Variants in ECT2L observed in about 807,000 individuals in gnomAD.
ECT2L encodes the protein epithelial cell-transforming sequence 2 oncogene-like.
A neutral mutation model predicts 122.8 loss-of-function variants in ECT2L; 126 were observed. The ratio of observed to expected loss-of-function variants is 1.03; its 90% CI spans 0.89 to 1.19. The LOEUF is 1.19. ECT2L is among the 50% of genes most tolerant of loss of function. The probability of loss-of-function intolerance (pLI) is 0.00; values close to 1 mark genes in which losing one functional copy is unlikely to be tolerated. For synonymous variants in ECT2L, 385 were observed against 381.8 expected, an observed-to-expected ratio of 1.01 and a Z score of -0.10; for missense variants, 1,012 against 1,064.1, an observed-to-expected ratio of 0.95 and a Z score of 0.68.
chr6:138,860,474 T>C (rs2128398291), intron 10 of ECT2L, among the ~76,000 whole-genome samples: 1 of 152,020 alleles, frequency 6.6e-6, no homozygotes, highest in South Asian at 2.1e-4. Context: ...ACTCTCTACT[T>C]GATTTCATTG....
chr6:138,847,928 T>C (rs574332385), intron 8 of ECT2L, among the ~76,000 whole-genome samples: 1 of 152,264 alleles, frequency 6.6e-6, no homozygotes, highest in Non-Finnish European at 1.5e-5. Context: ...ACTCACAGTT[T>C]CACGTGGCAA....
chr6:138,818,452 G>A (rs6570288), intron 4 of ECT2L, among the ~76,000 whole-genome samples: 57,467 of 151,894 alleles, frequency 0.38, 11,213 homozygotes, highest in South Asian at 0.6. Flanking sequence ...GTTTTTCAGA[G>A]ACAACATACT....
intron 20 of ECT2L, among the ~76,000 whole-genome samples, chr6:138,897,876 GT>G (rs1779269435): frequency 6.6e-6 from 1 of 152,114 alleles, no homozygotes; most frequent in African/African-American, 2.4e-5. Context: ...TATCGGCATT[GT>G]CCCTTCCAAA....
intron 4 of ECT2L, among the ~76,000 whole-genome samples, chr6:138,816,425 A>C (rs1776070037): frequency 6.6e-6 from 1 of 152,154 alleles, no homozygotes; most frequent in South Asian, 2.1e-4. Flanking sequence ...GGATAGCAGC[A>C]GCATTTCTTC....
chr6:138,844,487 C>A lies in ECT2L; in HGVS notation c.671C>A (p.Pro224Gln). ...AGCGTGCTAAAGCCCAGATGCCAAC[C>A]ACGCCTCTCCCAGACTGTAAGGGAG... ...CSSVLKPRCQPRLSQTVRERV... is the reference protein window; with the variant it reads ...CSSVLKPRCQQRLSQTVRERV... The change falls in exon 7 of 22, where the codon CCA (proline) becomes CAA (glutamine). Residue 224 changes from proline (P) to glutamine (Q), a missense_variant. By Grantham distance (76) the Pro-to-Gln change is moderately conservative. Coordinates refer to ENST00000541398, the MANE Select transcript of ECT2L (RefSeq NM_001077706.3). 1 of 1,614,146 alleles carries A rather than the reference C, an allele frequency of 6.2e-7. No individual in the cohort carries two copies.
rs1252593851 is a variant in ECT2L at position 138,886,494 on chromosome 6, G to GCCTCCC, written c.2260-362_2260-357dup. ...GTGATCTCGGCTCACTGCAACCTCT[G>GCCTCCC]CCTCCCTGATTCAAGCAATCCTCCC... On this transcript the variant is annotated intron_variant, in intron 18 of 21. Transcript: ENST00000541398. Among the ~76,000 whole-genome samples, 7 of 148,380 alleles carry GCCTCCC rather than the reference G, an allele frequency of 4.7e-5. No individual in the cohort carries two copies. The East Asian group carries it at 1.4e-3, about 30-fold the overall frequency.
intron 10 of ECT2L, among the ~76,000 whole-genome samples, chr6:138,857,279 G>A (rs925132508): frequency 3.3e-5 from 5 of 152,140 alleles, no homozygotes; most frequent in African/African-American, 1.2e-4. Flanking sequence ...AAGACCAGAG[G>A]TTCTCAGACT....
At position 138,889,037 on chromosome 6, in the gene ECT2L, C is replaced by G. The variant is rs146040402; in HGVS notation, c.2414+6C>G. On this transcript the variant is annotated splice_donor_region_variant and intron_variant, in intron 20 of 21. Coordinates refer to ENST00000541398, the MANE Select transcript of ECT2L (RefSeq NM_001077706.3). ...GAAATAAGTTTCTCTTTAAGGTAAACAATAGTTAACTATCCTAAGGCTGTG... is the reference window on the plus strand; with the variant it reads ...GAAATAAGTTTCTCTTTAAGGTAAAGAATAGTTAACTATCCTAAGGCTGTG... 5 of 1,507,648 alleles carry G rather than the reference C, an allele frequency of 3.3e-6. No homozygotes were observed. The African/African-American group carries it at 6.9e-5, about 21-fold the overall frequency. 93.4% of individuals were successfully genotyped at this position (1,507,648 alleles called of 1,614,324 possible). A position where few individuals can be genotyped will look rare whatever the true frequency, so the allele number is the denominator to read the frequency against.
intron 11 of ECT2L, 137 bp downstream of exon 11, chr6:138,862,856 T>A: frequency 1.6e-6 from 1 of 606,102 alleles, no homozygotes; most frequent in Non-Finnish European, 2.8e-6. Flanking sequence ...GAAGGAACGC[T>A]ATTAGTTCCC....
chr6:138,881,442 C>T (rs771721911), intron 15 of ECT2L, among the ~76,000 whole-genome samples: 2 of 151,964 alleles, frequency 1.3e-5, no homozygotes, highest in African/African-American at 2.4e-5. Flanking sequence ...ACCTTTTTGG[C>T]ACCAGGAACC....
At chr6:138,878,807 T>C (rs962634058) in intron 14 of ECT2L, 1 of 152,312 alleles carries the variant, frequency 6.6e-6, no homozygotes, top group Non-Finnish European at 1.5e-5. Flanking sequence ...GTTGATGGTA[T>C]ACCATTAGCC....
intron 4 of ECT2L, among the ~76,000 whole-genome samples, chr6:138,828,286 G>T (rs1164658974): frequency 1.3e-5 from 2 of 152,042 alleles, no homozygotes; most frequent in Admixed American, 6.6e-5. Flanking sequence ...ACCCAATAAG[G>T]TTCATACATT....
At chr6:138,804,946 A>T (rs1394031232) in intron 1 of ECT2L, among the ~76,000 whole-genome samples, 2 of 152,100 alleles carry the variant, frequency 1.3e-5, no homozygotes, top group Admixed American at 1.3e-4. Flanking sequence ...CTCCCTCTCT[A>T]CGTCAGCACC....
At chr6:138,866,766 G>A (rs1466565302) in intron 12 of ECT2L, among the ~76,000 whole-genome samples, 1 of 152,080 alleles carries the variant, frequency 6.6e-6, no homozygotes, top group Admixed American at 6.6e-5. Flanking sequence ...ATTTACTTTG[G>A]ACTTTAAAAT....
intron 18 of ECT2L, 73 bp from the exon 19 acceptor site, chr6:138,886,783 TA>T: frequency 1.9e-6 from 2 of 1,055,192 alleles, no homozygotes; most frequent in East Asian, 5.2e-5. Context: ...CGCCATAAAA[TA>T]TTTTAATCTA....
chr6:138,862,498 C>T, intron 10 of ECT2L, 129 bp from the exon 11 acceptor site: 1 of 825,478 alleles, frequency 1.2e-6, no homozygotes. Flanking sequence ...ATCCCTCCTG[C>T]CAGGCCCCAC....
chr6:138,802,641 T>G (rs1775582609), intron 1 of ECT2L, among the ~76,000 whole-genome samples: 1 of 152,142 alleles, frequency 6.6e-6, no homozygotes, highest in Non-Finnish European at 1.5e-5. Context: ...CTCATTAATA[T>G]CTTATGGAAC....
intron 1 of ECT2L, among the ~76,000 whole-genome samples, chr6:138,809,469 A>G (rs926491499): frequency 6.6e-6 from 1 of 152,226 alleles, no homozygotes; most frequent in African/African-American, 2.4e-5. Flanking sequence ...CTGTCTAAAC[A>G]AACAAAAAGG....
intron 7 of ECT2L, 45 bp from the exon 8 acceptor site, chr6:138,846,494 G>A (rs760620387): frequency 1.3e-6 from 2 of 1,535,994 alleles, no homozygotes; most frequent in East Asian, 2.3e-5. Flanking sequence ...CAAAACTCAA[G>A]GTAAGAGAAA....
Sources: gnomAD v4.1 joint callset for allele counts (sites outside exome capture counted in the v4.1 genomes callset) on GRCh38, gnomAD v4.1.1 for gene constraint, MANE v1.5 for transcripts, NCBI Gene and HGNC (gene_info 2026-07-23, HGNC 2026-07-21) for gene names.